CSNK1D: variants seen among roughly 807,000 people sequenced by gnomAD.
CSNK1D encodes casein kinase I isoform delta.
In CSNK1D, 16 loss-of-function variants were observed where a neutral mutation model predicts 46.6. That is an observed-to-expected ratio of 0.34 (90% CI 0.23 to 0.52). The LOEUF is 0.52. Ranked by LOEUF, CSNK1D falls within the 20% of genes least tolerant of loss-of-function variation. The pLI is 0.95. For missense variants in CSNK1D, 398 were observed against 578.4 expected (o/e 0.69, Z 3.20); for synonymous variants, 276 against 228.2 (o/e 1.21, Z -1.89).
chr17:82,248,994 C>A lies in CSNK1D; in HGVS notation c.1078G>T (p.Val360Phe). 1 of 1,566,134 alleles carries A rather than the reference C, an allele frequency of 6.4e-7. No homozygotes were observed. The highest frequency in any genetic ancestry group is 8.7e-7 in the Non-Finnish European group (1 of 1,154,480). Reference protein sequence around the residue: ...SHTANTSPRPVSGMERERKVS... With the variant: ...SHTANTSPRPFSGMERERKVS... ...TTCCGCTCTCTCTCCATGCCGGAGA[C>A]GGGCCGGGGGGAGGTGTTAGCTGAG... Residue 360 changes from valine (V) to phenylalanine (F), a missense_variant, in exon 8 of 9, where the codon GTC becomes TTC. By Grantham distance (50) the Val-to-Phe change is conservative. This residue lies in a region of CSNK1D where 181 missense variants were observed against 208.0 expected (regional missense o/e 0.87). Coordinates refer to ENST00000314028, the MANE Select transcript of CSNK1D (RefSeq NM_001893.6). This position sits in a 1 kb window ranked among gnomAD's most constrained non-coding sequence, Gnocchi z 4.1.
Position 82,253,147 on chromosome 17 carries a change from A to C in CSNK1D, c.434T>G (p.Val145Gly). The change falls in exon 4 of 9, where the codon GTG (valine) becomes GGG (glycine). Residue 145 changes from valine to glycine, a missense_variant. Transcript: ENST00000314028. ...LMGLGKKGNL[V>G]YIIDFGLAKK... ...GGCCAGCCCGAAGTCGATGATGTAC[A>C]CCAGGTTGCCCTTCTTCCCCAGGCC... is the stretch of plus-strand genomic sequence containing the variant. 6.2e-7 allele frequency: 1 copy of C among 1,614,184 alleles called. No individual in the cohort carries two copies. Among genetic ancestry groups the C allele is most frequent in the Non-Finnish European group, 8.5e-7 (1 of 1,180,012 alleles).
chr17:82,256,235 G>A (rs1395544224), intron 2 of CSNK1D, among the ~76,000 whole-genome samples: 1 of 152,226 alleles, frequency 6.6e-6, no homozygotes, highest in Non-Finnish European at 1.5e-5. Flanking sequence ...CACGGGCCAG[G>A]TGCAGTGGCT....
At chr17:82,247,269 G>A (rs575723845) in intron 8 of CSNK1D, 2 of 985,418 alleles carry the variant, frequency 2.0e-6, no homozygotes, top group East Asian at 1.1e-4. Context: ...CATGGAAGGA[G>A]ACACTGCTCA....
chr17:82,268,463 A>C (rs2051535525), intron 1 of CSNK1D, among the ~76,000 whole-genome samples: 1 of 152,212 alleles, frequency 6.6e-6, no homozygotes, highest in East Asian at 1.9e-4. Flanking sequence ...CTTATACACA[A>C]GTTTTGGCAT....
chr17:82,254,214 T>C (rs1331159092), intron 3 of CSNK1D: 3 of 291,674 alleles, frequency 1.0e-5, no homozygotes, highest in Non-Finnish European at 1.9e-5. Context: ...GCCAGTGAGC[T>C]GAGCCGCCGG....
At chr17:82,246,032 A>G in intron 8 of CSNK1D, 1 of 1,609,764 alleles carries the variant, frequency 6.2e-7, no homozygotes, top group Non-Finnish European at 8.5e-7. Flanking sequence ...TTCGAAAGGA[A>G]TGCTATTCTG....
chr17:82,253,853 C>G (rs1340470290), intron 3 of CSNK1D: 1 of 256,662 alleles, frequency 3.9e-6, no homozygotes, highest in African/African-American at 2.7e-5. Flanking sequence ...CCTCGAGAAG[C>G]CAGTCAGCTG....
In CSNK1D at chr17:82,255,366, C is replaced by T. The variant is rs1285868446; in HGVS notation, c.336+63G>A. On this transcript the variant is annotated intron_variant, in intron 3 of 8. Coordinates refer to ENST00000314028, the MANE Select transcript of CSNK1D (RefSeq NM_001893.6). This position sits in a 1 kb window ranked among gnomAD's most constrained non-coding sequence, Gnocchi z 5.9. ...GGCCATAATAATGGCAAGAACAGCA[C>T]AAGCGAGTGGCTGATTCTATCAGAC... 3 of 1,583,036 alleles carry T rather than the reference C, an allele frequency of 1.9e-6. No homozygotes were observed. Among genetic ancestry groups the T allele is most frequent in the African/African-American group, 2.7e-5 (2 of 74,276 alleles).
intron 1 of CSNK1D, among the ~76,000 whole-genome samples, chr17:82,271,340 G>C (rs968480283): frequency 2.0e-5 from 3 of 152,194 alleles, no homozygotes; most frequent in African/African-American, 7.2e-5. Flanking sequence ...AAAGTGCTGG[G>C]ATTACAGGCG....
chr17:82,254,059 C>T (rs1216379484), intron 3 of CSNK1D: 4 of 176,450 alleles, frequency 2.3e-5, no homozygotes, highest in South Asian at 4.8e-5. Flanking sequence ...TCAGCTGAGC[C>T]GCCGGAGCCT....
At chr17:82,242,513 G>C (rs903194347), downstream of CSNK1D, 1 of 334,282 alleles carries the variant, frequency 3.0e-6, no homozygotes, top group Non-Finnish European at 3.3e-6. Flanking sequence ...AGCAGGCCCA[G>C]GGGGCAGCTC....
downstream of CSNK1D, among the ~76,000 whole-genome samples, chr17:82,242,428 G>A (rs912707558): frequency 3.9e-5 from 6 of 152,180 alleles, no homozygotes; most frequent in African/African-American, 7.2e-5. Flanking sequence ...CAGAAAGTGC[G>A]TGGACTTCTG....
Position 82,251,074 on chromosome 17 carries a change from G to A in CSNK1D, c.885+305C>T, listed in dbSNP as rs1459167554. On this transcript the variant is annotated intron_variant, in intron 6 of 8. Coordinates refer to ENST00000314028, the MANE Select transcript of CSNK1D (RefSeq NM_001893.6). The surrounding 1 kb of genome is among the most constrained non-coding windows in gnomAD (Gnocchi z 4.5). ...TGCGCACCCCCAGCCCCCACCCTCT[G>A]CCCCCAGGGCATGCTCTGGGCCCTA... 2.4e-6 allele frequency: 1 copy of A among 418,548 alleles called. No homozygotes were observed. The highest frequency in any genetic ancestry group is 4.5e-6 in the Non-Finnish European group (1 of 222,436). The allele number at this position is 418,548 out of a possible 1,614,324, so 25.9% of individuals were successfully genotyped here.
chr17:82,264,007 G>A (rs957204755), intron 2 of CSNK1D, among the ~76,000 whole-genome samples: 4 of 152,180 alleles, frequency 2.6e-5, no homozygotes, highest in Non-Finnish European at 4.4e-5. Flanking sequence ...TCTCTGTAAC[G>A]GGTTCCCCAG....
chr17:82,269,096 TAAAAAA>T (rs766007194), intron 1 of CSNK1D, among the ~76,000 whole-genome samples: 2 of 105,380 alleles, frequency 1.9e-5, no homozygotes, highest in African/African-American at 7.3e-5. Flanking sequence ...TACTTTGTCT[TAAAAAA>T]AAAAAAAAAA....
chr17:82,249,849 C>T lies in CSNK1D; in HGVS notation c.886-247G>A. 1.4e-6 allele frequency: 2 copies of T among 1,424,852 alleles called. No individual in the cohort carries two copies. Among genetic ancestry groups the T allele is most frequent in the African/African-American group, 1.4e-5 (1 of 69,622 alleles). The allele number at this position is 1,424,852 out of a possible 1,614,324, so 88.3% of individuals were successfully genotyped here. On this transcript the variant is annotated intron_variant, in intron 6 of 8. Coordinates refer to ENST00000314028, the MANE Select transcript of CSNK1D (RefSeq NM_001893.6). This position sits in a 1 kb window ranked among gnomAD's most constrained non-coding sequence, Gnocchi z 6.7. ...AAACCCCACTCGCCATGGCATCTCCCTGTGGGCTCAGAACTTCCTTAAACT... is the reference window on the plus strand; with the variant it reads ...AAACCCCACTCGCCATGGCATCTCCTTGTGGGCTCAGAACTTCCTTAAACT...
At chr17:82,272,484 A>G (rs1341010684) in intron 1 of CSNK1D, among the ~76,000 whole-genome samples, 3 of 152,208 alleles carry the variant, frequency 2.0e-5, no homozygotes, top group Non-Finnish European at 4.4e-5. Flanking sequence ...CTACCTTGAG[A>G]CTGTTACAGT....
chr17:82,246,143 C>T (rs1408980477), intron 8 of CSNK1D: 5 of 1,546,922 alleles, frequency 3.2e-6, no homozygotes, highest in East Asian at 4.9e-5. Context: ...ACCAGGTCCA[C>T]AGACCGACAG....
chr17:82,246,442 G>C, intron 8 of CSNK1D: 3 of 1,159,946 alleles, frequency 2.6e-6, no homozygotes, highest in Non-Finnish European at 3.2e-6. Flanking sequence ...TCCTGGGCAG[G>C]AGTTGATCAA....
Sources: gnomAD v4.1 joint callset for allele counts (sites outside exome capture counted in the v4.1 genomes callset) on GRCh38, gnomAD v4.1.1 for gene constraint, gnomAD v4.1.1 regional missense constraint, Gnocchi (gnomAD v3.1) non-coding constraint, MANE v1.5 for transcripts, NCBI Gene and HGNC (gene_info 2026-07-23, HGNC 2026-07-21) for gene names.